The following UXS1 variants were observed in gnomAD, a reference collection of about 807,000 sequenced individuals.
UXS1 encodes the protein UDP-glucuronic acid decarboxylase 1.
In UXS1, 33 loss-of-function variants were observed where a neutral mutation model predicts 62.6. That is an observed-to-expected ratio of 0.53 (90% CI 0.40 to 0.70). The LOEUF is 0.70. Ranked by LOEUF, UXS1 falls within the 30% of genes least tolerant of loss-of-function variation. The probability of loss-of-function intolerance (pLI) is 0.00; values close to 1 mark genes in which losing one functional copy is unlikely to be tolerated. For synonymous variants in UXS1, 213 were observed against 206.8 expected (o/e 1.03, Z -0.26); for missense variants, 434 against 556.3 (o/e 0.78, Z 2.21).
chr2:106,127,979 C>T (rs1680104094), intron 7 of UXS1, among the ~76,000 whole-genome samples: 1 of 152,190 alleles, frequency 6.6e-6, no homozygotes, highest in Non-Finnish European at 1.5e-5. Flanking sequence ...CAGCCCCCAA[C>T]CCCCATAGGG....
chr2:106,167,288 A>C (rs1379786309), intron 1 of UXS1, among the ~76,000 whole-genome samples: 1 of 152,226 alleles, frequency 6.6e-6, no homozygotes, highest in Non-Finnish European at 1.5e-5. Flanking sequence ...CACTCAGCAG[A>C]TACTGAAGGC....
chr2:106,125,809 C>T (rs769667876), intron 7 of UXS1, 130 bp from the exon 8 acceptor site: 10 of 677,592 alleles, frequency 1.5e-5, no homozygotes, highest in Admixed American at 3.7e-5. Context: ...ACCCTTACTG[C>T]GTCTGCTTTG....
intron 5 of UXS1, among the ~76,000 whole-genome samples, chr2:106,157,768 C>G (rs562619633): frequency 6.6e-6 from 1 of 152,058 alleles, no homozygotes; most frequent in Admixed American, 6.5e-5. Flanking sequence ...TTCTTTCAGA[C>G]GAAATGTTCA....
intron 1 of UXS1, among the ~76,000 whole-genome samples, chr2:106,170,297 C>T (rs4851116): frequency 0.98 from 149,279 of 152,274 alleles, 73,231 homozygotes; most frequent in South Asian, 1. Flanking sequence ...CCAGAAAGCA[C>T]CTTCAACCTT....
chr2:106,186,559 A>C (rs967701931), intron 1 of UXS1, among the ~76,000 whole-genome samples: 2 of 152,126 alleles, frequency 1.3e-5, no homozygotes, highest in Admixed American at 6.6e-5. Flanking sequence ...AACAAACAAA[A>C]AAAAATCAGG....
chr2:106,115,468 C>T (rs1678984644), intron 9 of UXS1, among the ~76,000 whole-genome samples: 1 of 152,244 alleles, frequency 6.6e-6, no homozygotes, highest in Admixed American at 6.5e-5. Flanking sequence ...CTAGGCATGG[C>T]TGGATTTCAC....
chr2:106,115,755 A>G (rs1383802127), intron 9 of UXS1, among the ~76,000 whole-genome samples: 1 of 152,240 alleles, frequency 6.6e-6, no homozygotes, highest in Non-Finnish European at 1.5e-5. Flanking sequence ...CATTCCACCT[A>G]CAACACAGGG....
At chr2:106,139,499 T>C (rs1245757753) in intron 6 of UXS1, among the ~76,000 whole-genome samples, 1 of 152,140 alleles carries the variant, frequency 6.6e-6, no homozygotes, top group Non-Finnish European at 1.5e-5. Context: ...TGAATTTCAC[T>C]GTGCCCAAAA....
At chr2:106,095,876 A>G (rs986213949) in intron 14 of UXS1, among the ~76,000 whole-genome samples, 12 of 152,194 alleles carry the variant, frequency 7.9e-5, no homozygotes, top group Non-Finnish European at 1.5e-5. Context: ...GCAGTCACCC[A>G]AGGCAGGAAG....
In UXS1 at chr2:106,120,191, C is replaced by T. The variant is rs578181890; in HGVS notation, c.759+2779G>A. ...AGCACAATATTTACAACATGAATAA[C>T]GGGACGGAAGGTGGGAAGAACACAC... On this transcript the variant is annotated intron_variant, in intron 9 of 14. Coordinates refer to ENST00000283148, the MANE Select transcript of UXS1 (RefSeq NM_001253875.2). Among the ~76,000 whole-genome samples, 20 of 152,300 alleles carry T rather than the reference C, an allele frequency of 1.3e-4. No homozygotes were observed. In the East Asian group the frequency reaches 1.4e-3, roughly 10 times the overall value.
At chr2:106,181,599 G>A (rs1295410276) in intron 1 of UXS1, among the ~76,000 whole-genome samples, 3 of 152,086 alleles carry the variant, frequency 2.0e-5, no homozygotes, top group Non-Finnish European at 2.9e-5. Flanking sequence ...TGCGCCTGTA[G>A]TCTCCTACTC....
At chr2:106,120,402 A>C (rs1032930113) in intron 9 of UXS1, among the ~76,000 whole-genome samples, 1 of 152,216 alleles carries the variant, frequency 6.6e-6, no homozygotes, top group Non-Finnish European at 1.5e-5. Context: ...CCTCCCTGAC[A>C]TAATGACTGC....
intron 1 of UXS1, among the ~76,000 whole-genome samples, chr2:106,183,983 G>C (rs1470314396): frequency 1.3e-5 from 2 of 152,072 alleles, no homozygotes; most frequent in African/African-American, 2.4e-5. Flanking sequence ...CCTGAGGTCG[G>C]GAGTTCGAGA....
intron 9 of UXS1, among the ~76,000 whole-genome samples, chr2:106,120,113 T>C (rs1400889493): frequency 6.6e-6 from 1 of 152,134 alleles, no homozygotes; most frequent in African/African-American, 2.4e-5. Flanking sequence ...AGGTACCAAT[T>C]TTAGGGCCCA....
At chr2:106,125,808 G>T in intron 7 of UXS1, 129 bp from the exon 8 acceptor site, 1 of 694,648 alleles carries the variant, frequency 1.4e-6, no homozygotes, top group Non-Finnish European at 2.2e-6. Context: ...TACCCTTACT[G>T]CGTCTGCTTT....
chr2:106,122,137 C>T (rs1236456005), intron 9 of UXS1, among the ~76,000 whole-genome samples: 1 of 152,248 alleles, frequency 6.6e-6, no homozygotes, highest in Non-Finnish European at 1.5e-5. Flanking sequence ...ACAGACACTG[C>T]ATCTACCAAC....
At chr2:106,125,862 T>C (rs949463335) in intron 7 of UXS1, among the ~76,000 whole-genome samples, 183 bp from the exon 8 acceptor site, 1 of 152,206 alleles carries the variant, frequency 6.6e-6, no homozygotes, top group Non-Finnish European at 1.5e-5. Flanking sequence ...AAAACATAAA[T>C]GGATTCTCAG....
At chr2:106,184,328 C>T (rs900008936) in intron 1 of UXS1, among the ~76,000 whole-genome samples, 2 of 152,222 alleles carry the variant, frequency 1.3e-5, no homozygotes, top group Admixed American at 6.5e-5. Context: ...TTGCAGTAGA[C>T]ATTAATGTGG....
intron 1 of UXS1, among the ~76,000 whole-genome samples, chr2:106,180,026 T>C (rs750445739): frequency 1.3e-5 from 2 of 152,148 alleles, no homozygotes; most frequent in Non-Finnish European, 2.9e-5. Flanking sequence ...GGAGAATCAC[T>C]TGAACCCAGG....
Sources: gnomAD v4.1 joint callset for allele counts (sites outside exome capture counted in the v4.1 genomes callset) on GRCh38, gnomAD v4.1.1 for gene constraint, MANE v1.5 for transcripts, NCBI Gene and HGNC (gene_info 2026-07-23, HGNC 2026-07-21) for gene names.